Variants in CDH7 observed in about 807,000 individuals in gnomAD.
The protein encoded by CDH7 is cadherin 7, also known as cadherin-7.
CDH7 carries 25 observed loss-of-function variants against 71.8 expected under a neutral mutation model. That is an observed-to-expected ratio of 0.35 (90% CI 0.25 to 0.49). CDH7 has a LOEUF of 0.49. CDH7 is among the 20% of genes least tolerant of loss of function. The probability of loss-of-function intolerance (pLI) is 0.99; values close to 1 mark genes in which losing one functional copy is unlikely to be tolerated. For missense variants in CDH7, 862 were observed against 974.6 expected (o/e 0.88, Z 1.54); for synonymous variants, 381 against 363.8 (o/e 1.05, Z -0.54).
At chr18:65,753,627 G>A (rs575167619) in intron 1 of CDH7, among the ~76,000 whole-genome samples, 22 of 152,198 alleles carry the variant, frequency 1.4e-4, no homozygotes, top group Admixed American at 7.8e-4. Flanking sequence ...TTGGTGGGGT[G>A]ATAAAGGGGA....
intron 1 of CDH7, among the ~76,000 whole-genome samples, chr18:65,756,100 T>G (rs1365428845): frequency 6.6e-6 from 1 of 152,192 alleles, no homozygotes; most frequent in African/African-American, 2.4e-5. Flanking sequence ...ATTTCCACTT[T>G]TAAACATGTA....
At chr18:65,794,443 T>C (rs1160443541) in intron 2 of CDH7, among the ~76,000 whole-genome samples, 1 of 152,108 alleles carries the variant, frequency 6.6e-6, no homozygotes, top group Non-Finnish European at 1.5e-5. Flanking sequence ...GCTGTGCTGT[T>C]AATCTATGTG....
intron 2 of CDH7, among the ~76,000 whole-genome samples, chr18:65,770,654 G>C (rs1407940264): frequency 6.6e-6 from 1 of 152,130 alleles, no homozygotes; most frequent in Non-Finnish European, 1.5e-5. Context: ...TCTTATGTTA[G>C]AGTTCAAGTA....
chr18:65,842,075 T>C (rs1912753847), intron 6 of CDH7, among the ~76,000 whole-genome samples: 1 of 152,170 alleles, frequency 6.6e-6, no homozygotes, highest in Admixed American at 6.6e-5. Flanking sequence ...ACTTGACTGT[T>C]ATTTCTTCCC....
intron 11 of CDH7, chr18:65,865,809 T>G (rs745917251): frequency 2.6e-5 from 4 of 152,202 alleles, no homozygotes; most frequent in Non-Finnish European, 5.9e-5. Context: ...CAGCCTGGCA[T>G]GAAAATTGAT....
At chr18:65,816,521 G>GA (rs1911730711) in intron 4 of CDH7, among the ~76,000 whole-genome samples, 1 of 152,000 alleles carries the variant, frequency 6.6e-6, no homozygotes, top group South Asian at 2.1e-4. Context: ...ATTTTGACAG[G>GA]AAAAATATTG....
At chr18:65,821,208 A>G (rs8084195) in intron 4 of CDH7, among the ~76,000 whole-genome samples, 132,944 of 151,824 alleles carry the variant, frequency 0.88, 59,472 homozygotes, top group East Asian at 0.99. Context: ...ATGTTTGGTG[A>G]CAGTATTAGG....
At chr18:65,810,152 G>A (rs1001419352) in intron 3 of CDH7, among the ~76,000 whole-genome samples, 154 bp downstream of exon 3, 1 of 151,674 alleles carries the variant, frequency 6.6e-6, no homozygotes, top group Non-Finnish European at 1.5e-5. Context: ...TTTGAGACAT[G>A]TTGGCAGCCA....
chr18:65,879,671 G>A (rs1914163506), intron 11 of CDH7, among the ~76,000 whole-genome samples: 1 of 152,132 alleles, frequency 6.6e-6, no homozygotes, highest in African/African-American at 2.4e-5. Context: ...GCAACCTCCT[G>A]CTTTAAGATG....
At chr18:65,843,058 C>G (rs575097783) in intron 6 of CDH7, among the ~76,000 whole-genome samples, 98 of 152,250 alleles carry the variant, frequency 6.4e-4, no homozygotes, top group Non-Finnish European at 1.1e-3. Context: ...AAAGATGGTG[C>G]TCTGCTACTG....
intron 6 of CDH7, among the ~76,000 whole-genome samples, chr18:65,827,952 C>T (rs2143951090): frequency 6.6e-6 from 1 of 151,856 alleles, no homozygotes; most frequent in South Asian, 2.1e-4. Flanking sequence ...TAAATGAAAA[C>T]AAAATCTCAG....
At chr18:65,799,004 T>C (rs1599014106) in intron 2 of CDH7, among the ~76,000 whole-genome samples, 2 of 152,104 alleles carry the variant, frequency 1.3e-5, no homozygotes, top group African/African-American at 4.8e-5. Context: ...CCCTCTTTCC[T>C]GCTGGAATTC....
At position 65,783,701 on chromosome 18, in the gene CDH7, C is replaced by G. The variant is rs113125116; in HGVS notation, c.210+20649C>G. Reference sequence around the variant, plus strand: ...GGCTGCAATGGGGGTTCACAAGTGCCTGACACCGTATTTTATTAGTCTAAC... The same window carrying G: ...GGCTGCAATGGGGGTTCACAAGTGCGTGACACCGTATTTTATTAGTCTAAC... On this transcript the variant is annotated intron_variant, in intron 2 of 11. Coordinates refer to ENST00000397968, the MANE Select transcript of CDH7 (RefSeq NM_004361.5). 1.5e-3 allele frequency among the ~76,000 whole-genome samples: 235 copies of G among 152,184 alleles called. 2 individuals are homozygous for G. The highest frequency in any genetic ancestry group is 5.3e-3 in the African/African-American group (222 of 41,536).
intron 2 of CDH7, among the ~76,000 whole-genome samples, chr18:65,807,850 G>C (rs555301120): frequency 6.6e-6 from 1 of 151,862 alleles, no homozygotes; most frequent in African/African-American, 2.4e-5. Flanking sequence ...TGAAGATTTG[G>C]GGGGGTGATC....
intron 2 of CDH7, among the ~76,000 whole-genome samples, chr18:65,767,869 A>G (rs1295081345): frequency 6.6e-6 from 1 of 152,256 alleles, no homozygotes; most frequent in Non-Finnish European, 1.5e-5. Context: ...TTTTGTAAAT[A>G]ACATGTTAGA....
intron 7 of CDH7, among the ~76,000 whole-genome samples, chr18:65,845,468 T>C (rs1012978103): frequency 1.3e-5 from 2 of 152,088 alleles, no homozygotes; most frequent in African/African-American, 4.8e-5. Flanking sequence ...CCTGCCTTCA[T>C]GGTCAAGAAA....
At chr18:65,781,820 T>TA (rs1568181501) in intron 2 of CDH7, among the ~76,000 whole-genome samples, 8 of 58,380 alleles carry the variant, frequency 1.4e-4, no homozygotes, top group African/African-American at 1.1e-3. Flanking sequence ...CCTTCCTTCC[T>TA]TCTTTCTTTC....
intron 6 of CDH7, among the ~76,000 whole-genome samples, chr18:65,841,756 C>T (rs1421373497): frequency 2.6e-5 from 4 of 152,074 alleles, no homozygotes; most frequent in East Asian, 1.9e-4. Flanking sequence ...ATATATCTGC[C>T]TGTACCTCGT....
At chr18:65,750,636 T>G (rs1274474246), upstream of CDH7, 2 of 152,112 alleles carry the variant, frequency 1.3e-5, no homozygotes, top group Non-Finnish European at 2.9e-5. Flanking sequence ...TCTTTTCCAG[T>G]AGCCCCCACC....
Sources: allele counts gnomAD v4.1 joint callset (sites outside exome capture counted in the v4.1 genomes callset), GRCh38; gene constraint gnomAD v4.1.1; transcripts MANE v1.5; gene names NCBI Gene and HGNC (gene_info 2026-07-23, HGNC 2026-07-21).